ASTN2: variants seen among roughly 807,000 people sequenced by gnomAD.
ASTN2 encodes astrotactin 2.
In ASTN2, 54 loss-of-function variants were observed where a neutral mutation model predicts 139.8. The ratio of observed to expected loss-of-function variants is 0.39; its 90% CI spans 0.31 to 0.48. The LOEUF (loss-of-function observed/expected upper bound fraction) is 0.48, where lower values mean the gene tolerates loss of function less well. Among genes scored for constraint, ASTN2 ranks in the 20% least tolerant of loss-of-function variants. The pLI is 0.95. For missense variants in ASTN2, 1,565 were observed against 1,725.1 expected (o/e 0.91, Z 1.64); for synonymous variants, 756 against 719.5 (o/e 1.05, Z -0.81).
Position 116,699,993 on chromosome 9 carries a change from G to A in ASTN2, c.2806+25778C>T, listed in dbSNP as rs1009549456. Reference sequence around the variant, plus strand: ...CACTTCCAAGGCTTTAGTAGAGAGAGCCACTTTAGCCCTTTGTGCCATGTT... The same window carrying A: ...CACTTCCAAGGCTTTAGTAGAGAGAACCACTTTAGCCCTTTGTGCCATGTT... On this transcript the variant is annotated intron_variant, in intron 16 of 22. Transcript: ENST00000313400. This position sits in a 1 kb window ranked among gnomAD's most constrained non-coding sequence, Gnocchi z 4.2. 2 of 492,932 alleles carry A rather than the reference G, an allele frequency of 4.1e-6. No individual in the cohort carries two copies. Among genetic ancestry groups the A allele is most frequent in the Non-Finnish European group, 3.7e-6 (1 of 267,546 alleles). The allele number at this position is 492,932 out of a possible 1,614,324, so 30.5% of individuals were successfully genotyped here. A position where few individuals can be genotyped will look rare whatever the true frequency, so the allele number is the denominator to read the frequency against.
At chr9:117,252,381 T>C (rs1833562151) in intron 2 of ASTN2, among the ~76,000 whole-genome samples, 3 of 152,342 alleles carry the variant, frequency 2.0e-5, no homozygotes, top group Admixed American at 6.5e-5. Flanking sequence ...TTTGATTGCA[T>C]CCATTCATTT....
intron 1 of ASTN2, among the ~76,000 whole-genome samples, chr9:117,330,649 G>A (rs1204241884): frequency 6.6e-6 from 1 of 152,130 alleles, no homozygotes; most frequent in East Asian, 1.9e-4. Flanking sequence ...CACATGTGGA[G>A]AGAGAGAATG....
At chr9:117,091,665 G>A (rs1024760525) in intron 5 of ASTN2, among the ~76,000 whole-genome samples, 1 of 152,070 alleles carries the variant, frequency 6.6e-6, no homozygotes, top group Non-Finnish European at 1.5e-5. Flanking sequence ...AGGAGTGCTG[G>A]GGAAGAGGCC....
intron 1 of ASTN2, among the ~76,000 whole-genome samples, chr9:117,400,506 CT>C (rs1830798927): frequency 6.6e-6 from 1 of 152,148 alleles, no homozygotes; most frequent in Non-Finnish European, 1.5e-5. Flanking sequence ...AGTAGGAACC[CT>C]GCCATTGGCA....
At chr9:116,650,850 C>T (rs1169670550) in intron 17 of ASTN2, among the ~76,000 whole-genome samples, 1 of 152,024 alleles carries the variant, frequency 6.6e-6, no homozygotes. Flanking sequence ...CTGTTCTTTC[C>T]CCTTCCACAG....
intron 19 of ASTN2, among the ~76,000 whole-genome samples, chr9:116,495,719 C>T (rs1219244797): frequency 2.0e-5 from 3 of 152,172 alleles, no homozygotes; most frequent in Admixed American, 2.0e-4. Flanking sequence ...CATACTCCAT[C>T]TAAATAAGAA....
chr9:117,407,472 G>T (rs965909316), intron 1 of ASTN2, among the ~76,000 whole-genome samples: 1 of 152,216 alleles, frequency 6.6e-6, no homozygotes, highest in Non-Finnish European at 1.5e-5. Flanking sequence ...GACAGTGACT[G>T]CAGTGCTGGG....
At chr9:116,941,625 AC>A (rs1311245730) in intron 10 of ASTN2, among the ~76,000 whole-genome samples, 1 of 151,836 alleles carries the variant, frequency 6.6e-6, no homozygotes, top group Non-Finnish European at 1.5e-5. Context: ...TCACAGAAAC[AC>A]CTAGAATAAT....
chr9:116,535,627 G>A (rs1046818103), intron 19 of ASTN2, among the ~76,000 whole-genome samples: 8 of 151,918 alleles, frequency 5.3e-5, no homozygotes, highest in Admixed American at 1.3e-4. Flanking sequence ...GCTTAGTTTC[G>A]CTGGATATGA....
intron 4 of ASTN2, among the ~76,000 whole-genome samples, chr9:117,098,142 T>C (rs892973880): frequency 1.3e-5 from 2 of 152,108 alleles, no homozygotes; most frequent in African/African-American, 4.8e-5. Flanking sequence ...TTAAAACCAC[T>C]CATGAGCGAA....
chr9:116,567,155 G>C (rs73655408), intron 19 of ASTN2, among the ~76,000 whole-genome samples: 24,127 of 152,198 alleles, frequency 0.16, 2,081 homozygotes, highest in African/African-American at 0.21. Flanking sequence ...TGTGGGAAGA[G>C]AGGAAAAGTG....
At chr9:116,649,315 G>A (rs907622459) in intron 17 of ASTN2, among the ~76,000 whole-genome samples, 1 of 152,108 alleles carries the variant, frequency 6.6e-6, no homozygotes, top group African/African-American at 2.4e-5. Flanking sequence ...GCTCTTGCCT[G>A]TAATCCCAGC....
chr9:117,370,257 A>C (rs1475881374), intron 1 of ASTN2, among the ~76,000 whole-genome samples: 1 of 152,150 alleles, frequency 6.6e-6, no homozygotes, highest in Admixed American at 6.6e-5. Context: ...TTCCCAGGAC[A>C]AAAGAAGAAA....
At chr9:117,219,467 G>A (rs918351466) in intron 2 of ASTN2, among the ~76,000 whole-genome samples, 8 of 152,134 alleles carry the variant, frequency 5.3e-5, no homozygotes, top group Non-Finnish European at 1.0e-4. Flanking sequence ...AAGAAGAGGC[G>A]AAATCTCCAA....
Position 116,975,280 on chromosome 9 carries a change from A to T in ASTN2, c.1817T>A (p.Val606Glu), listed in dbSNP as rs770082213. The T allele has an allele frequency of 6.2e-7, 1 of 1,613,520 alleles. No individual in the cohort carries two copies. Reference sequence around the variant, plus strand: ...GGCCAGGGGGTTGATGGACAGCTCCACAGGCGGAACCACAAAGCTTTTGCT... The same window carrying T: ...GGCCAGGGGGTTGATGGACAGCTCCTCAGGCGGAACCACAAAGCTTTTGCT... ...PVSKSFVVPP[V>E]ELSINPLASC... is the part of the protein sequence containing the mutation. Residue 606 changes from valine to glutamate, a missense_variant, in exon 10 of 23, where the codon GTG becomes GAG. By Grantham distance (121) the Val-to-Glu change is moderately radical. This residue lies in a region of ASTN2 where 503 missense variants were observed against 591.7 expected (regional missense o/e 0.85). Coordinates refer to ENST00000313400, the MANE Select transcript of ASTN2 (RefSeq NM_001365068.1).
intron 7 of ASTN2, among the ~76,000 whole-genome samples, chr9:117,001,575 T>C (rs889144399): frequency 6.6e-6 from 1 of 152,156 alleles, no homozygotes; most frequent in Non-Finnish European, 1.5e-5. Context: ...CTCCAGAGGG[T>C]GCAGTACAAC....
At chr9:116,605,883 G>A (rs10125246) in intron 19 of ASTN2, among the ~76,000 whole-genome samples, 3,448 of 152,288 alleles carry the variant, frequency 0.023, 136 homozygotes, top group African/African-American at 0.078. Flanking sequence ...GGGTGTGGGA[G>A]TAGATAGGAA....
chr9:117,163,414 C>G (rs1830598204), intron 3 of ASTN2, among the ~76,000 whole-genome samples: 4 of 152,072 alleles, frequency 2.6e-5, no homozygotes, highest in Admixed American at 2.6e-4. Flanking sequence ...TAATACTACT[C>G]AACAAGTATA....
intron 2 of ASTN2, among the ~76,000 whole-genome samples, chr9:117,247,936 C>T (rs572048934): frequency 4.6e-4 from 70 of 152,298 alleles, no homozygotes; most frequent in African/African-American, 1.4e-3. Context: ...CCCTTTAACA[C>T]GCTGTGTCTC....
Sources: gnomAD v4.1 joint callset for allele counts (sites outside exome capture counted in the v4.1 genomes callset) on GRCh38, gnomAD v4.1.1 for gene constraint, gnomAD v4.1.1 regional missense constraint, Gnocchi (gnomAD v3.1) non-coding constraint, MANE v1.5 for transcripts, NCBI Gene and HGNC (gene_info 2026-07-23, HGNC 2026-07-21) for gene names.